Variants in MDGA2 observed in about 807,000 individuals in gnomAD.
MDGA2 encodes MAM domain containing glycosylphosphatidylinositol anchor 2.
In MDGA2, 40 loss-of-function variants were observed where a neutral mutation model predicts 117.8. That is an observed-to-expected ratio of 0.34 (90% CI 0.26 to 0.44). The LOEUF is 0.44. MDGA2 is among the 20% of genes least tolerant of loss of function. The probability of loss-of-function intolerance (pLI) is 1.00; values close to 1 mark genes in which losing one functional copy is unlikely to be tolerated. For synonymous variants in MDGA2, 452 were observed against 439.0 expected, an observed-to-expected ratio of 1.03 and a Z score of -0.37; for missense variants, 1,123 against 1,250.6, an observed-to-expected ratio of 0.90 and a Z score of 1.54.
chr14:47,577,827 G>A (rs1037266649), intron 1 of MDGA2, among the ~76,000 whole-genome samples: 2 of 152,206 alleles, frequency 1.3e-5, no homozygotes, highest in African/African-American at 2.4e-5. Context: ...TGGTAGGAAT[G>A]TAAATTAGTT....
At chr14:47,529,897 G>C (rs547372507) in intron 1 of MDGA2, among the ~76,000 whole-genome samples, 1 of 152,306 alleles carries the variant, frequency 6.6e-6, no homozygotes, top group East Asian at 1.9e-4. Context: ...GTTTGCCATA[G>C]TGGTTAGACT....
At chr14:47,182,685 C>A (rs1243348529) in intron 3 of MDGA2, among the ~76,000 whole-genome samples, 2 of 152,126 alleles carry the variant, frequency 1.3e-5, no homozygotes, top group East Asian at 3.9e-4. Flanking sequence ...AAGATGCATA[C>A]TTTAAGGTAA....
chr14:47,581,754 C>T (rs561472618), intron 1 of MDGA2, among the ~76,000 whole-genome samples: 7 of 151,870 alleles, frequency 4.6e-5, no homozygotes, highest in Admixed American at 2.6e-4. Context: ...AAAACACAGG[C>T]GCAACAACCT....
chr14:47,002,243 TAAG>T (rs768677903), intron 8 of MDGA2, among the ~76,000 whole-genome samples: 4 of 152,066 alleles, frequency 2.6e-5, no homozygotes, highest in Non-Finnish European at 5.9e-5. Flanking sequence ...GAATAAAGAA[TAAG>T]AAGGCTTAAA....
At chr14:47,121,837 A>T (rs1016340284) in intron 5 of MDGA2, among the ~76,000 whole-genome samples, 1 of 152,140 alleles carries the variant, frequency 6.6e-6, no homozygotes, top group Non-Finnish European at 1.5e-5. Context: ...AGAAATATTG[A>T]TAGCACAAAT....
intron 1 of MDGA2, among the ~76,000 whole-genome samples, chr14:47,323,925 G>A (rs1890062719): frequency 6.6e-6 from 1 of 152,034 alleles, no homozygotes; most frequent in Admixed American, 6.5e-5. Flanking sequence ...TAATTGAGTA[G>A]CTACTCTATA....
chr14:46,871,150 C>T (rs1174009413), intron 14 of MDGA2: 2 of 128,776 alleles, frequency 1.6e-5, no homozygotes, highest in Non-Finnish European at 3.3e-5. Flanking sequence ...GGCAATTATG[C>T]GATTTGTTTC....
intron 1 of MDGA2, among the ~76,000 whole-genome samples, chr14:47,464,977 C>T (rs56329013): frequency 0.12 from 18,709 of 152,076 alleles, 1,305 homozygotes; most frequent in Non-Finnish European, 0.13. Context: ...GTAACCAAAA[C>T]AGCATGATAC....
rs1555358936 is a variant in MDGA2, at chr14:47,158,361, TGG to T, written c.596-14089_596-14088del. On this transcript the variant is annotated intron_variant, in intron 3 of 16. Transcript: ENST00000399232. Reference sequence around the variant, plus strand: ...CATTTCTCAGAACATATCCCTGGGGTGGGTGTGTGTGTGTGTGTGTGTGTGTG... The same window carrying T: ...CATTTCTCAGAACATATCCCTGGGGTGTGTGTGTGTGTGTGTGTGTGTGTG... Among the ~76,000 whole-genome samples, 283 of 119,488 alleles carry T rather than the reference TGG, an allele frequency of 2.4e-3. 3 individuals carry two copies. In the East Asian group the frequency reaches 0.034, roughly 14 times the overall value. The allele number at this position is 119,488 out of a possible 152,430, so 78.4% of individuals were successfully genotyped here. A position where few individuals can be genotyped will look rare whatever the true frequency, so the allele number is the denominator to read the frequency against.
chr14:47,159,159 T>C (rs10143056), intron 3 of MDGA2, among the ~76,000 whole-genome samples: 78,072 of 151,930 alleles, frequency 0.51, 21,263 homozygotes, highest in African/African-American at 0.71. Flanking sequence ...ATTTACAACA[T>C]TAAGAGTGAA....
intron 1 of MDGA2, among the ~76,000 whole-genome samples, chr14:47,507,764 T>A (rs959926920): frequency 2.0e-5 from 3 of 152,198 alleles, no homozygotes; most frequent in Non-Finnish European, 2.9e-5. Context: ...CCTAAACAAT[T>A]CATACAAAAT....
intron 1 of MDGA2, among the ~76,000 whole-genome samples, chr14:47,648,913 T>C (rs906572129): frequency 6.6e-6 from 1 of 152,138 alleles, no homozygotes; most frequent in African/African-American, 2.4e-5. Context: ...GAAGAGATAA[T>C]ACATTTTTAC....
At chr14:47,364,812 T>C (rs1419067272) in intron 1 of MDGA2, among the ~76,000 whole-genome samples, 1 of 152,226 alleles carries the variant, frequency 6.6e-6, no homozygotes, top group East Asian at 1.9e-4. Flanking sequence ...TCCAGGAGTA[T>C]GTCCTCTTGA....
intron 8 of MDGA2, among the ~76,000 whole-genome samples, chr14:47,005,424 A>G (rs1412925022): frequency 6.6e-6 from 1 of 151,492 alleles, no homozygotes; most frequent in Non-Finnish European, 1.5e-5. Context: ...TTAACTGTTG[A>G]GTGTTAAACC....
At chr14:47,232,267 G>A (rs1465902154) in intron 2 of MDGA2, among the ~76,000 whole-genome samples, 1 of 151,888 alleles carries the variant, frequency 6.6e-6, no homozygotes, top group Non-Finnish European at 1.5e-5. Context: ...CAGTTTTAGG[G>A]CAGGCTTCTT....
intron 9 of MDGA2, among the ~76,000 whole-genome samples, chr14:46,942,718 G>A (rs1344119737): frequency 6.6e-6 from 1 of 152,040 alleles, no homozygotes; most frequent in African/African-American, 2.4e-5. Context: ...CCATCCACTT[G>A]CATGTATCAG....
intron 9 of MDGA2, among the ~76,000 whole-genome samples, chr14:46,953,649 A>G (rs1885450449): frequency 6.6e-6 from 1 of 152,044 alleles, no homozygotes; most frequent in African/African-American, 2.4e-5. Context: ...TTGTCAAGAA[A>G]TATTAGTCTC....
chr14:47,167,169 T>C (rs1883917712), intron 3 of MDGA2, among the ~76,000 whole-genome samples: 1 of 150,450 alleles, frequency 6.6e-6, no homozygotes, highest in Non-Finnish European at 1.5e-5. Context: ...TGACCATCCA[T>C]ATTTTTTTTT....
chr14:47,444,708 TA>T (rs569970818), intron 1 of MDGA2, among the ~76,000 whole-genome samples: 149 of 152,134 alleles, frequency 9.8e-4, no homozygotes, highest in Middle Eastern at 6.8e-3. Flanking sequence ...ACCAGACCTT[TA>T]AAAAAATGGA....
Sources: allele counts gnomAD v4.1 joint callset (sites outside exome capture counted in the v4.1 genomes callset), GRCh38; gene constraint gnomAD v4.1.1; transcripts MANE v1.5; gene names NCBI Gene and HGNC (gene_info 2026-07-23, HGNC 2026-07-21).